Variants in FGD6 observed in about 807,000 individuals in gnomAD.
FGD6 encodes the protein FYVE, RhoGEF and PH domain-containing protein 6.
Under a neutral mutation model 149.4 loss-of-function variants are expected in FGD6, and 90 were observed. The ratio of observed to expected loss-of-function variants is 0.60; its 90% CI spans 0.51 to 0.72. FGD6 has a LOEUF of 0.72. Among genes scored for constraint, FGD6 ranks in the 30% least tolerant of loss-of-function variants. FGD6 has a pLI of 0.00. For synonymous variants in FGD6, 527 were observed against 584.0 expected (o/e 0.90, Z 1.41); for missense variants, 1,437 against 1,684.8 (o/e 0.85, Z 2.57).
intron 9 of FGD6, among the ~76,000 whole-genome samples, chr12:95,113,231 CTTTTT>C (rs11343496): frequency 3.6e-5 from 4 of 109,644 alleles, no homozygotes; most frequent in Admixed American, 1.0e-4. Context: ...GGCCTCAAGT[CTTTTT>C]TTTTTTTTTT....
In FGD6 at chr12:95,090,702, T is replaced by A. The variant is rs75007185; in HGVS notation, c.3850+1005A>T. On this transcript the variant is annotated intron_variant, in intron 17 of 20. Coordinates refer to ENST00000343958, the MANE Select transcript of FGD6 (RefSeq NM_018351.4). ...TACACAAATAATAATAAATTATTCA[T>A]CTAGAAATATGTGGACTCTGAAATA... 6.4e-3 allele frequency among the ~76,000 whole-genome samples: 978 copies of A among 152,296 alleles called. 12 individuals are homozygous for A. The highest frequency in any genetic ancestry group is 0.022 in the African/African-American group (924 of 41,568).
intron 3 of FGD6, 73 bp from the exon 4 acceptor site, chr12:95,153,066 G>C (rs1880357240): frequency 6.8e-6 from 9 of 1,322,016 alleles, no homozygotes; most frequent in Non-Finnish European, 9.7e-6. Context: ...AGTCAGACAC[G>C]AATTTTAACT....
intron 6 of FGD6, among the ~76,000 whole-genome samples, chr12:95,139,048 T>C (rs983649781): frequency 5.3e-5 from 8 of 152,212 alleles, no homozygotes; most frequent in African/African-American, 9.6e-5. Context: ...ATTTCATCAA[T>C]TGTTGTTAAA....
intron 1 of FGD6, among the ~76,000 whole-genome samples, chr12:95,213,537 G>A (rs898360627): frequency 1.2e-4 from 19 of 152,114 alleles, no homozygotes; most frequent in African/African-American, 1.7e-4. Context: ...TTTATCTTAT[G>A]TGCTATTTTA....
chr12:95,177,017 G>A (rs11608868), intron 2 of FGD6, among the ~76,000 whole-genome samples: 12,580 of 151,932 alleles, frequency 0.083, 766 homozygotes, highest in Non-Finnish European at 0.11. Context: ...TAGTAGAGAC[G>A]GGGTTTCACC....
At chr12:95,129,303 G>GCATCCATCCATC (rs1176512039) in intron 8 of FGD6, among the ~76,000 whole-genome samples, 9 of 130,820 alleles carry the variant, frequency 6.9e-5, no homozygotes, top group East Asian at 6.4e-4. Context: ...ATCCATGCAT[G>GCATCCATCCATC]CATGCATGCA....
chr12:95,216,213 G>A lies in FGD6; in HGVS notation c.16+1012C>T, dbSNP rs188711489. ...ATAATACAAATCAGAACATTTGAGT[G>A]CTGTTGGACAGTTTCAAGTTGCAAG... On this transcript the variant is annotated intron_variant, in intron 1 of 20. Coordinates refer to ENST00000343958, the MANE Select transcript of FGD6 (RefSeq NM_018351.4). 2.5e-4 allele frequency among the ~76,000 whole-genome samples: 38 copies of A among 152,332 alleles called. No homozygotes were observed. In the East Asian group the frequency reaches 7.1e-3, roughly 29 times the overall value.
At chr12:95,179,290 AG>A (rs1881214333) in intron 2 of FGD6, among the ~76,000 whole-genome samples, 1 of 151,622 alleles carries the variant, frequency 6.6e-6, no homozygotes, top group Non-Finnish European at 1.5e-5. Context: ...GCTTGGGCCT[AG>A]GAGTTCGAGA....
intron 6 of FGD6, among the ~76,000 whole-genome samples, chr12:95,138,246 A>AAATAAATAACTAACTC (rs796444898): frequency 2.1e-5 from 3 of 143,778 alleles, no homozygotes; most frequent in Non-Finnish European, 3.0e-5. Context: ...ATAAATAAAT[A>AAATAAATAACTAACTC]ACTCACTCAC....
intron 6 of FGD6, among the ~76,000 whole-genome samples, chr12:95,138,426 C>T (rs1879743795): frequency 6.6e-6 from 1 of 151,184 alleles, no homozygotes; most frequent in South Asian, 2.1e-4. Flanking sequence ...CGCCTGTAAT[C>T]CTAGGTACTT....
At chr12:95,171,974 A>T (rs1055670306) in intron 3 of FGD6, among the ~76,000 whole-genome samples, 1 of 145,542 alleles carries the variant, frequency 6.9e-6, no homozygotes, top group Non-Finnish European at 1.5e-5. Flanking sequence ...TAAAATGCAT[A>T]TAATTTCTTT....
At chr12:95,208,550 GTCTGGAGGCCCAGGACCTC>G in intron 2 of FGD6, among the ~76,000 whole-genome samples, 1 of 152,302 alleles carries the variant, frequency 6.6e-6, no homozygotes, top group South Asian at 2.1e-4. Context: ...CTGAGCTGGT[GTCTGGAGGCCCAGGACCTC>G]TCTGTTCCAC....
chr12:95,135,220 C>T (rs927556622), intron 7 of FGD6, among the ~76,000 whole-genome samples: 6 of 152,154 alleles, frequency 3.9e-5, no homozygotes, highest in African/African-American at 9.7e-5. Context: ...TAAAATAAGG[C>T]AGTGGAAATA....
In FGD6 at chr12:95,210,554, G is replaced by T; in HGVS notation, c.730C>A (p.Gln244Lys). 6.2e-7 allele frequency: 1 copy of T among 1,614,156 alleles called. No individual in the cohort carries two copies. Among genetic ancestry groups the T allele is most frequent in the East Asian group, 2.2e-5 (1 of 44,892 alleles). Residue 244 changes from glutamine (Q) to lysine (K), a missense_variant, in exon 2 of 21, where the codon CAG (glutamine) becomes AAG (lysine). Gln to Lys is a moderately conservative substitution (Grantham distance 53). This residue lies in a region of FGD6 where 1,055 missense variants were observed against 1,146.0 expected (regional missense o/e 0.92). Transcript: ENST00000343958. ...KVPDHHSCHL[Q>K]LPSDECEHFE... ...TGTTCACATTCATCACTAGGAAGCT[G>T]TAAGTGGCAACTGTGATGATCAGGA...
intron 8 of FGD6, 109 bp downstream of exon 8, chr12:95,134,629 TG>T: frequency 1.1e-6 from 1 of 884,724 alleles, no homozygotes; most frequent in Non-Finnish European, 1.9e-6. Context: ...TTAGGCAACG[TG>T]GTGACGGGGG....
rs397687285 is a variant in FGD6, at chr12:95,122,645, CAA to C, written c.3083-8946_3083-8945del. 6.6e-3 allele frequency among the ~76,000 whole-genome samples: 423 copies of C among 64,396 alleles called. 1 individual carries two copies. The East Asian group carries it at 0.17, about 25-fold the overall frequency. 42.2% of individuals were successfully genotyped at this position (64,396 alleles called of 152,430 possible). A position where few individuals can be genotyped will look rare whatever the true frequency, so the allele number is the denominator to read the frequency against. On this transcript the variant is annotated intron_variant, in intron 8 of 20. Transcript: ENST00000343958. ...TGGGCAACAGAGCGAGACTCAGTCT[CAA>C]AAAAAAAAAAAAAAAAAAAAAAGGC...
At chr12:95,110,607 C>T (rs1326371208) in intron 9 of FGD6, among the ~76,000 whole-genome samples, 2 of 151,996 alleles carry the variant, frequency 1.3e-5, no homozygotes, top group African/African-American at 2.4e-5. Flanking sequence ...CCACCCGCCG[C>T]AGCCTCCCAA....
chr12:95,120,186 G>A (rs1232712205), intron 8 of FGD6, among the ~76,000 whole-genome samples: 4 of 151,536 alleles, frequency 2.6e-5, no homozygotes, highest in African/African-American at 4.9e-5. Flanking sequence ...CTGACATCAC[G>A]TCACTGCACT....
chr12:95,088,173 A>C (rs183139114), intron 18 of FGD6, among the ~76,000 whole-genome samples: 168 of 152,324 alleles, frequency 1.1e-3, no homozygotes, highest in Non-Finnish European at 1.9e-3. Context: ...GTGTTCACCA[A>C]CTTAATCACC....
Sources: gnomAD v4.1 joint callset for allele counts (sites outside exome capture counted in the v4.1 genomes callset) on GRCh38, gnomAD v4.1.1 for gene constraint, gnomAD v4.1.1 regional missense constraint, MANE v1.5 for transcripts, NCBI Gene and HGNC (gene_info 2026-07-23, HGNC 2026-07-21) for gene names.